HECW2: variants seen among roughly 807,000 people sequenced by gnomAD.
HECW2 encodes the protein E3 ubiquitin-protein ligase HECW2.
A neutral mutation model predicts 175.2 loss-of-function variants in HECW2; 61 were observed. The observed-to-expected ratio is 0.35, with a 90% CI of 0.28 to 0.43. The LOEUF is 0.43. HECW2 is among the 20% of genes least tolerant of loss of function. The pLI is 1.00. For synonymous variants in HECW2, 671 were observed against 731.0 expected, an observed-to-expected ratio of 0.92 and a Z score of 1.32; for missense variants, 1,524 against 2,000.5, an observed-to-expected ratio of 0.76 and a Z score of 4.54.
intron 17 of HECW2, chr2:196,262,987 T>C (rs1280964465): frequency 6.6e-6 from 1 of 152,086 alleles, no homozygotes; most frequent in African/African-American, 2.4e-5. Context: ...TCCTAACAAT[T>C]TCCACCCGGT....
Position 196,197,212 on chromosome 2 carries a change from C to T in HECW2, c.*4065G>A, listed in dbSNP as rs940529739. 3 of 151,940 alleles carry T rather than the reference C, an allele frequency of 2.0e-5. No homozygotes were observed. The highest frequency in any genetic ancestry group is 7.3e-5 in the African/African-American group (3 of 41,358). The allele number at this position is 151,940 out of a possible 1,614,324, so 9.4% of individuals were successfully genotyped here. On this transcript the variant is annotated 3_prime_UTR_variant, in exon 29 of 29. Coordinates refer to ENST00000644978, the MANE Select transcript of HECW2 (RefSeq NM_001348768.2). ...TTAATAATGGCATTGCATCATTTCACATAAATACGGAGTTTCCTGAATAAG... is the reference window on the plus strand; with the variant it reads ...TTAATAATGGCATTGCATCATTTCATATAAATACGGAGTTTCCTGAATAAG...
intron 2 of HECW2, among the ~76,000 whole-genome samples, chr2:196,376,294 C>T (rs1272002597): frequency 6.6e-6 from 1 of 152,114 alleles, no homozygotes; most frequent in Admixed American, 6.5e-5. Flanking sequence ...TCTCATCATA[C>T]TGAGAAGTAA....
At chr2:196,412,117 G>A (rs956481941) in intron 2 of HECW2, among the ~76,000 whole-genome samples, 1 of 152,204 alleles carries the variant, frequency 6.6e-6, no homozygotes, top group Non-Finnish European at 1.5e-5. Flanking sequence ...CAAACCTATT[G>A]TATTAGTTTG....
chr2:196,562,193 T>G (rs1690024353), intron 1 of HECW2, among the ~76,000 whole-genome samples: 1 of 152,216 alleles, frequency 6.6e-6, no homozygotes, highest in African/African-American at 2.4e-5. Flanking sequence ...AATGTCAGTC[T>G]AGTAAAAGAC....
intron 1 of HECW2, among the ~76,000 whole-genome samples, chr2:196,437,050 T>A (rs1695897751): frequency 6.6e-6 from 1 of 152,058 alleles, no homozygotes; most frequent in East Asian, 1.9e-4. Context: ...AGAGATAACA[T>A]CATTATCTCT....
intron 20 of HECW2, 94 bp downstream of exon 20, chr2:196,241,990 G>C (rs1256791557): frequency 6.8e-6 from 8 of 1,172,078 alleles, no homozygotes; most frequent in Non-Finnish European, 9.9e-6. Context: ...ATGAAGGCTA[G>C]TCATCCCAAA....
chr2:196,450,800 A>G (rs1321375749), intron 1 of HECW2, among the ~76,000 whole-genome samples: 1 of 152,116 alleles, frequency 6.6e-6, no homozygotes, highest in African/African-American at 2.4e-5. Context: ...GGTTTTTAAC[A>G]TGTTCCCCAT....
chr2:196,331,197 T>G, intron 4 of HECW2: 1 of 985,416 alleles, frequency 1.0e-6, no homozygotes, highest in Non-Finnish European at 1.2e-6. Context: ...TGTTTTTCCT[T>G]CCATCTATAG....
intron 1 of HECW2, among the ~76,000 whole-genome samples, chr2:196,515,158 A>G (rs944540195): frequency 2.6e-5 from 4 of 152,228 alleles, no homozygotes; most frequent in African/African-American, 9.6e-5. Context: ...ACAGCCTCGC[A>G]CAGAGCCGGC....
intron 1 of HECW2, among the ~76,000 whole-genome samples, chr2:196,453,358 G>A (rs1696404128): frequency 6.6e-6 from 1 of 152,172 alleles, no homozygotes. Context: ...TTAAGCATGT[G>A]AACTAAAAGT....
At chr2:196,538,489 G>T (rs1339226207) in intron 1 of HECW2, among the ~76,000 whole-genome samples, 1 of 152,148 alleles carries the variant, frequency 6.6e-6, no homozygotes, top group East Asian at 1.9e-4. Context: ...GAGAGGTTTT[G>T]GGAAAGTTCT....
In HECW2 at chr2:196,498,392, G is replaced by A. The variant is rs982629963; in HGVS notation, c.-35-64934C>T. Among the ~76,000 whole-genome samples the A allele has an allele frequency of 2.6e-5, 4 of 151,914 alleles. No homozygotes were observed. The East Asian group carries it at 7.7e-4, about 29-fold the overall frequency. On this transcript the variant is annotated intron_variant, in intron 1 of 28. Transcript: ENST00000644978. The stretch of plus-strand genomic sequence containing the variant: ...AAAGGTCCCTTTTTTATTTTTATGT[G>A]CAGTATCATGGTGAACATCTTTATG...
rs948704008 is a variant in HECW2, at chr2:196,199,445, A to G, written c.*1832T>C. On this transcript the variant is annotated 3_prime_UTR_variant, in exon 29 of 29. Transcript: ENST00000644978. Reference sequence around the variant, plus strand: ...CGTGCCTTTAGTGCAGGAGTGTAACATAAGTGGTATTCCTCTTGAGGGTCC... The same window carrying G: ...CGTGCCTTTAGTGCAGGAGTGTAACGTAAGTGGTATTCCTCTTGAGGGTCC... 6.6e-6 allele frequency: 1 copy of G among 152,574 alleles called. No individual in the cohort carries two copies. Among genetic ancestry groups the G allele is most frequent in the Non-Finnish European group, 1.5e-5 (1 of 68,010 alleles). 9.5% of individuals were successfully genotyped at this position (152,574 alleles called of 1,614,324 possible).
intron 1 of HECW2, among the ~76,000 whole-genome samples, chr2:196,578,166 A>G (rs1443825321): frequency 6.6e-6 from 1 of 152,180 alleles, no homozygotes; most frequent in African/African-American, 2.4e-5. Flanking sequence ...AATATAAAGA[A>G]AAAAGCTTTA....
chr2:196,579,705 G>A (rs575782064), intron 1 of HECW2, among the ~76,000 whole-genome samples: 2 of 152,218 alleles, frequency 1.3e-5, no homozygotes, highest in South Asian at 4.2e-4. Flanking sequence ...AAGTTAAAAT[G>A]AGGCCATTAG....
intron 1 of HECW2, among the ~76,000 whole-genome samples, chr2:196,528,655 G>T (rs1359324692): frequency 2.6e-5 from 4 of 152,198 alleles, no homozygotes; most frequent in Non-Finnish European, 5.9e-5. Flanking sequence ...CCAAGGCACT[G>T]TCAGCACATC....
chr2:196,221,048 C>T, intron 24 of HECW2, 107 bp from the exon 25 acceptor site: 1 of 1,202,958 alleles, frequency 8.3e-7, no homozygotes, highest in Non-Finnish European at 1.2e-6. Flanking sequence ...CCAGCCCTGC[C>T]CTAGGCACAT....
At chr2:196,331,431 G>A in intron 4 of HECW2, 10 of 297,106 alleles carry the variant, frequency 3.4e-5, no homozygotes, top group Non-Finnish European at 4.5e-5. Flanking sequence ...TTCTGTGCCT[G>A]GGCACAGGAA....
chr2:196,560,279 G>A (rs1689952154), intron 1 of HECW2, among the ~76,000 whole-genome samples: 1 of 152,110 alleles, frequency 6.6e-6, no homozygotes, highest in Non-Finnish European at 1.5e-5. Context: ...CCAAGTAGCT[G>A]GGATTACAGG....
Sources: allele counts gnomAD v4.1 joint callset (sites outside exome capture counted in the v4.1 genomes callset), GRCh38; gene constraint gnomAD v4.1.1; transcripts MANE v1.5; gene names NCBI Gene and HGNC (gene_info 2026-07-23, HGNC 2026-07-21).